Variants in UBE2L6 observed in about 807,000 individuals in gnomAD.
UBE2L6 encodes the protein ubiquitin/ISG15-conjugating enzyme E2 L6.
A neutral mutation model predicts 13.6 loss-of-function variants in UBE2L6; 11 were observed. The observed-to-expected ratio is 0.81, with a 90% confidence interval of 0.51 to 1.34. UBE2L6 has a LOEUF of 1.34. UBE2L6 is among the 40% of genes most tolerant of loss of function. The probability of loss-of-function intolerance (pLI) is 0.00; values close to 1 mark genes in which losing one functional copy is unlikely to be tolerated. For synonymous variants in UBE2L6, 74 were observed against 83.2 expected, an observed-to-expected ratio of 0.89 and a Z score of 0.60; for missense variants, 197 against 199.5, an observed-to-expected ratio of 0.99 and a Z score of 0.07.
intron 2 of UBE2L6, 21 bp downstream of exon 2, chr11:57,560,316 A>G (rs199777914): frequency 6.2e-7 from 1 of 1,607,118 alleles, no homozygotes; most frequent in East Asian, 2.2e-5. Context: ...ATCCAAAGCC[A>G]TGGTCCCCAT....
rs1213256468 is a variant in UBE2L6 at position 57,554,625 on chromosome 11, T to C, written c.124-2A>G. On this transcript the variant is annotated splice_acceptor_variant, in intron 2 of 3. Coordinates refer to ENST00000287156, the MANE Select transcript of UBE2L6 (RefSeq NM_004223.5). LOFTEE classifies it high-confidence loss of function. ...TTTCAGGTGGTAGGGAGGTTGGTCC[T>C]GTGCAGAGAGAAAAGGGGTCAAGCT... The C allele has an allele frequency of 6.2e-7, 1 of 1,614,046 alleles. No individual in the cohort carries two copies. Among genetic ancestry groups the C allele is most frequent in the Non-Finnish European group, 8.5e-7 (1 of 1,179,950 alleles).
At chr11:57,567,009 C>G (rs1945098240) in intron 1 of UBE2L6, 2 of 439,810 alleles carry the variant, frequency 4.5e-6, no homozygotes, top group Middle Eastern at 3.3e-4. Flanking sequence ...GTAGAACTCA[C>G]GAACGCAAGC....
chr11:57,565,370 T>TG (rs1487020201), intron 1 of UBE2L6, among the ~76,000 whole-genome samples: 5 of 143,400 alleles, frequency 3.5e-5, no homozygotes, highest in East Asian at 2.1e-4. Context: ...TTTTTTTTTT[T>TG]TTTTTTTTTT....
intron 1 of UBE2L6, among the ~76,000 whole-genome samples, chr11:57,562,362 G>A (rs964753846): frequency 1.3e-5 from 2 of 152,248 alleles, no homozygotes; most frequent in African/African-American, 4.8e-5. Context: ...CTGGCCCATG[G>A]ACAGCAACTG....
intron 1 of UBE2L6, among the ~76,000 whole-genome samples, chr11:57,562,509 C>T (rs1424998003): frequency 6.6e-6 from 1 of 152,200 alleles, no homozygotes; most frequent in Admixed American, 6.5e-5. Context: ...GTGATTACAG[C>T]GGGCCTTGAG....
chr11:57,552,855 T>C (rs1349034461), intron 3 of UBE2L6, among the ~76,000 whole-genome samples: 2 of 152,210 alleles, frequency 1.3e-5, no homozygotes, highest in Non-Finnish European at 2.9e-5. Context: ...AACTTTTCCT[T>C]GGGCAAAAGA....
chr11:57,553,686 T>C (rs1198012075), intron 3 of UBE2L6, among the ~76,000 whole-genome samples: 1 of 151,798 alleles, frequency 6.6e-6, no homozygotes, highest in African/African-American at 2.4e-5. Flanking sequence ...AATAGCTGGG[T>C]GTGGTGTCAT....
chr11:57,567,694 GGGA>G, upstream of UBE2L6: 1 of 1,491,422 alleles, frequency 6.7e-7, no homozygotes, highest in Non-Finnish European at 9.0e-7. Context: ...CCCCGCCCCG[GGGA>G]CCCCACCCCC....
Position 57,554,036 on chromosome 11 carries a change from C to T in UBE2L6, c.310+401G>A, listed in dbSNP as rs188471300. 2.0e-4 allele frequency among the ~76,000 whole-genome samples: 30 copies of T among 152,224 alleles called. No individual in the cohort carries two copies. In the South Asian group the frequency reaches 2.1e-3, roughly 11 times the overall value. On this transcript the variant is annotated intron_variant, in intron 3 of 3. Transcript: ENST00000287156. The stretch of plus-strand genomic sequence containing the variant: ...GCAGGTGATGTTTTTAGCACAGTGC[C>T]GAAAGTGCTCAGTCAAGTGACAGGT...
chr11:57,552,369 G>C lies in UBE2L6; in HGVS notation c.451C>G (p.Arg151Gly), dbSNP rs752620035. ...GGTCAGAACATGAGTTAGGAGGGCC[G>C]GTCCACTCCGAATCGGAGGGTGAAC... ...EEFTLRFGVD[R>G]PS The change falls in exon 4 of 4, where the codon CGG (arginine) becomes GGG (glycine). Residue 151 changes from arginine to glycine, a missense_variant. Transcript: ENST00000287156. 2 of 1,614,030 alleles carry C rather than the reference G, an allele frequency of 1.2e-6. No individual in the cohort carries two copies. Among genetic ancestry groups the C allele is most frequent in the African/African-American group, 1.3e-5 (1 of 74,918 alleles).
intron 1 of UBE2L6, among the ~76,000 whole-genome samples, chr11:57,561,241 G>A (rs950531947): frequency 7.9e-5 from 12 of 152,108 alleles, no homozygotes; most frequent in Admixed American, 2.0e-4. Flanking sequence ...AATGACTCCG[G>A]AAGACCATAG....
rs752789834 is a variant in UBE2L6, at chr11:57,554,501, G to A, written c.246C>T (p.Asn82=). ...TGATGATGGGCAGGCAAATCTGTCC[G>A]TTCTCGTCCACGTTGGGGTGGTAGA... is the stretch of plus-strand genomic sequence containing the variant. ...TKIYHPNVDE[N]GQICLPIISS... The change falls in exon 3 of 4, where the codon AAC becomes AAT. Residue 82 remains asparagine (N), a synonymous_variant. Transcript: ENST00000287156. 1.1e-5 allele frequency: 18 copies of A among 1,614,058 alleles called. No homozygotes were observed. Among genetic ancestry groups the A allele is most frequent in the African/African-American group, 4.0e-5 (3 of 74,920 alleles).
chr11:57,559,377 G>A (rs1397775980), intron 2 of UBE2L6, among the ~76,000 whole-genome samples: 2 of 152,208 alleles, frequency 1.3e-5, no homozygotes, highest in Non-Finnish European at 2.9e-5. Flanking sequence ...TTAGGAGGCC[G>A]AGGTGGGCAG....
At chr11:57,554,037 G>A (rs888856676) in intron 3 of UBE2L6, among the ~76,000 whole-genome samples, 2 of 152,074 alleles carry the variant, frequency 1.3e-5, no homozygotes, top group African/African-American at 4.8e-5. Flanking sequence ...GCACAGTGCC[G>A]AAAGTGCTCA....
At chr11:57,560,623 C>CTT (rs11301277) in intron 1 of UBE2L6, 191 bp from the exon 2 acceptor site, 301 of 375,586 alleles carry the variant, frequency 8.0e-4, no homozygotes, top group Middle Eastern at 1.6e-3. Flanking sequence ...TTTCTTTTTT[C>CTT]TTTTTTTTTT....
chr11:57,558,246 T>C (rs747621771), intron 2 of UBE2L6, among the ~76,000 whole-genome samples: 1 of 151,950 alleles, frequency 6.6e-6, no homozygotes, highest in Non-Finnish European at 1.5e-5. Flanking sequence ...GCCCAGCTAA[T>C]TTTTGTATTT....
Position 57,560,421 on chromosome 11 carries a change from A to T in UBE2L6, c.39T>A (p.Asp13Glu). 6.2e-7 allele frequency: 1 copy of T among 1,613,074 alleles called. No homozygotes were observed. Among genetic ancestry groups the T allele is most frequent in the Non-Finnish European group, 8.5e-7 (1 of 1,179,678 alleles). Residue 13 changes from aspartate to glutamate, a missense_variant, in exon 2 of 4, where the codon GAT becomes GAA. Coordinates refer to ENST00000287156, the MANE Select transcript of UBE2L6 (RefSeq NM_004223.5). ...ASMRVVKELE[D>E]LQKKPPPYLR... ...GGTATGGGGGAGGCTTCTTCTGAAG[A>T]TCCTCCAGCTCCTGCAGGGGACACA...
chr11:57,560,623 CTTTTT>C, intron 1 of UBE2L6, 191 bp from the exon 2 acceptor site: 16 of 375,868 alleles, frequency 4.3e-5, no homozygotes, highest in Middle Eastern at 7.9e-4. Context: ...TTTCTTTTTT[CTTTTT>C]TTTTTTTTTT....
Position 57,557,067 on chromosome 11 carries a change from CA to C in UBE2L6, c.124-2445del, listed in dbSNP as rs199843337. Among the ~76,000 whole-genome samples the C allele has an allele frequency of 6.2e-3, 775 of 124,114 alleles. 5 individuals are homozygous for C. Among genetic ancestry groups the C allele is most frequent in the South Asian group, 0.036 (142 of 3,916 alleles). The allele number at this position is 124,114 out of a possible 152,430, so 81.4% of individuals were successfully genotyped here. Reference sequence around the variant, plus strand: ...GCACTCCAGAGTGAGACTCTGTCACCAAAAAAAAAAAAAAGGAAAGAAAAGA... The same window carrying C: ...GCACTCCAGAGTGAGACTCTGTCACCAAAAAAAAAAAAAGGAAAGAAAAGA... On this transcript the variant is annotated intron_variant, in intron 2 of 3. Transcript: ENST00000287156.
Sources: allele counts gnomAD v4.1 joint callset (sites outside exome capture counted in the v4.1 genomes callset), GRCh38; gene constraint gnomAD v4.1.1; transcripts MANE v1.5; gene names NCBI Gene and HGNC (gene_info 2026-07-23, HGNC 2026-07-21).